The following TRPC5 variants were observed in gnomAD, a reference collection of about 807,000 sequenced individuals.
The protein encoded by TRPC5 is short transient receptor potential channel 5.
In TRPC5, 9 loss-of-function variants were observed where a neutral mutation model predicts 56.5. That is an observed-to-expected ratio of 0.16 (90% CI 0.10 to 0.28). The LOEUF (loss-of-function observed/expected upper bound fraction) is 0.28, where lower values mean the gene tolerates loss of function less well. Ranked by LOEUF, TRPC5 falls within the 10% of genes least tolerant of loss-of-function variation. The probability of loss-of-function intolerance (pLI) is 1.00; values close to 1 mark genes in which losing one functional copy is unlikely to be tolerated. For missense variants in TRPC5, 469 were observed against 748.9 expected (o/e 0.63, Z 4.36); for synonymous variants, 282 against 278.5 (o/e 1.01, Z -0.13).
intron 1 of TRPC5, among the ~76,000 whole-genome samples, chrX:112,023,242 TTTTG>T (rs1929325667): frequency 1.0e-5 from 1 of 97,491 alleles, no homozygotes; most frequent in Non-Finnish European, 2.0e-5. Context: ...CAGTTTTTTT[TTTTG>T]TTTTTTTTTT....
At chrX:111,961,899 T>C (rs759449020) in intron 1 of TRPC5, among the ~76,000 whole-genome samples, 1 of 111,968 alleles carries the variant, frequency 8.9e-6, no homozygotes, top group African/African-American at 3.2e-5. Context: ...TGGAATAGTA[T>C]GTAGACATAA....
At chrX:111,820,251 A>G (rs1039122478) in intron 7 of TRPC5, among the ~76,000 whole-genome samples, 9 of 111,942 alleles carry the variant, frequency 8.0e-5, no homozygotes, top group African/African-American at 2.9e-4. Flanking sequence ...TTTATTGAGT[A>G]TCTTCTATAT....
chrX:111,774,243 G>A lies in TRPC5; in HGVS notation c.*2070C>T, dbSNP rs1233088223. 3 of 112,069 alleles carry A rather than the reference G, an allele frequency of 2.7e-5. No individual in the cohort carries two copies. The highest frequency in any genetic ancestry group is 9.7e-5 in the African/African-American group (3 of 30,850). 9.2% of individuals were successfully genotyped at this position (112,069 alleles called of 1,213,427 possible). A position where few individuals can be genotyped will look rare whatever the true frequency, so the allele number is the denominator to read the frequency against. On this transcript the variant is annotated 3_prime_UTR_variant, in exon 11 of 11. Transcript: ENST00000262839. Reference sequence around the variant, plus strand: ...CTGCTAGAAAACTTATAAGTTTTCAGAAGTGATATACATTTCTGAGAAAAA... The same window carrying A: ...CTGCTAGAAAACTTATAAGTTTTCAAAAGTGATATACATTTCTGAGAAAAA...
chrX:112,047,996 T>C (rs1401744834), intron 1 of TRPC5, among the ~76,000 whole-genome samples: 1 of 112,436 alleles, frequency 8.9e-6, no homozygotes, highest in African/African-American at 3.2e-5. Context: ...TGTTCATTTC[T>C]CTATCTCTAG....
intron 1 of TRPC5, among the ~76,000 whole-genome samples, chrX:111,993,407 A>T (rs764883023): frequency 8.3e-4 from 93 of 111,904 alleles, no homozygotes; most frequent in African/African-American, 2.8e-3. Context: ...AATCCTTTGG[A>T]TATATACCCA....
intron 2 of TRPC5, among the ~76,000 whole-genome samples, chrX:111,918,032 AG>A (rs1926025199): frequency 9.0e-6 from 1 of 111,677 alleles, no homozygotes; most frequent in Middle Eastern, 4.6e-3. Flanking sequence ...CACCTTGATT[AG>A]ATTGGGGGAG....
rs927911399 is a variant in TRPC5 at position 111,789,033 on chromosome X, A to G, written c.1897-6895T>C. 1.4e-4 allele frequency among the ~76,000 whole-genome samples: 16 copies of G among 112,122 alleles called. No individual in the cohort carries two copies. In the East Asian group the frequency reaches 3.9e-3, roughly 27 times the overall value. On this transcript the variant is annotated intron_variant, in intron 7 of 10. Transcript: ENST00000262839. The stretch of plus-strand genomic sequence containing the variant: ...CAATGCCATCCCCGTCAAGCTACCA[A>G]TGACTTTCTTCACAGAATTGGAAAA...
chrX:111,799,188 G>T (rs1297822311), intron 7 of TRPC5, among the ~76,000 whole-genome samples: 1 of 107,098 alleles, frequency 9.3e-6, no homozygotes, highest in African/African-American at 3.7e-5. Context: ...TTATGATCAA[G>T]ACTGCCCTTA....
At chrX:111,944,083 T>G (rs1926855689) in intron 2 of TRPC5, among the ~76,000 whole-genome samples, 1 of 111,713 alleles carries the variant, frequency 9.0e-6, no homozygotes, top group Non-Finnish European at 1.9e-5. Context: ...CATTGTTAGC[T>G]TCATTCTGCA....
intron 1 of TRPC5, among the ~76,000 whole-genome samples, chrX:112,034,715 T>TCACACA (rs1308076710): frequency 9.0e-6 from 1 of 110,908 alleles, no homozygotes; most frequent in African/African-American, 3.3e-5. Context: ...GTGTTTCCAG[T>TCACACA]AATTTTTCCA....
intron 1 of TRPC5, among the ~76,000 whole-genome samples, chrX:111,978,077 A>G (rs1927978232): frequency 8.9e-6 from 1 of 112,144 alleles, no homozygotes; most frequent in East Asian, 2.8e-4. Context: ...AAAATTAAAA[A>G]TAGAACTACC....
At position 111,769,825 on chromosome X, in the gene TRPC5, C is replaced by T. The variant is rs1360613658; in HGVS notation, c.*6488G>A. On this transcript the variant is annotated 3_prime_UTR_variant, in exon 11 of 11. Transcript: ENST00000262839. ...AAAGTGGTACTCATCTTGACTACCA[C>T]ATGTTTTACCAAGTGTGGATCTAAA... Among the ~76,000 whole-genome samples the T allele has an allele frequency of 8.9e-6, 1 of 111,816 alleles. No homozygotes were observed. Among genetic ancestry groups the T allele is most frequent in the Non-Finnish European group, 1.9e-5 (1 of 53,111 alleles).
intron 7 of TRPC5, among the ~76,000 whole-genome samples, chrX:111,792,891 A>G (rs1190940363): frequency 1.8e-5 from 2 of 111,910 alleles, no homozygotes; most frequent in African/African-American, 6.5e-5. Context: ...TTTGATACCC[A>G]GATCATCAAC....
chrX:111,803,023 A>G (rs1921371477), intron 7 of TRPC5, among the ~76,000 whole-genome samples: 1 of 109,269 alleles, frequency 9.2e-6, no homozygotes. Context: ...CCAGCCCTCC[A>G]CCCCTCGACA....
At chrX:111,846,317 G>C (rs982266215) in intron 6 of TRPC5, among the ~76,000 whole-genome samples, 1 of 111,830 alleles carries the variant, frequency 8.9e-6, no homozygotes, top group African/African-American at 3.3e-5. Flanking sequence ...ACTGAGTTCA[G>C]GGTCAGCCCA....
chrX:112,056,669 A>G (rs756887724), intron 1 of TRPC5, among the ~76,000 whole-genome samples: 23 of 112,412 alleles, frequency 2.0e-4, no homozygotes, highest in African/African-American at 7.4e-4. Flanking sequence ...CTGTGCAGCT[A>G]CATTTTACTG....
At chrX:111,811,664 G>A (rs921871522) in intron 7 of TRPC5, among the ~76,000 whole-genome samples, 1 of 111,430 alleles carries the variant, frequency 9.0e-6, no homozygotes, top group Non-Finnish European at 1.9e-5. Context: ...TGTGATCTCA[G>A]ACCAGTAAAT....
chrX:111,832,874 A>G (rs1315505818), intron 7 of TRPC5, among the ~76,000 whole-genome samples: 1 of 111,515 alleles, frequency 9.0e-6, no homozygotes, highest in Non-Finnish European at 1.9e-5. Context: ...CACTGAGCTC[A>G]GTGAGAAGGA....
intron 1 of TRPC5, among the ~76,000 whole-genome samples, chrX:111,972,308 G>A (rs189512587): frequency 1.8e-5 from 2 of 112,008 alleles, no homozygotes; most frequent in East Asian, 5.6e-4. Context: ...ATCTGAAGAC[G>A]GTATTCATAT....
Sources: gnomAD v4.1 joint callset for allele counts (sites outside exome capture counted in the v4.1 genomes callset) on GRCh38, gnomAD v4.1.1 for gene constraint, MANE v1.5 for transcripts, NCBI Gene and HGNC (gene_info 2026-07-23, HGNC 2026-07-21) for gene names.